SLC2A10: variants seen among roughly 807,000 people sequenced by gnomAD.
SLC2A10 encodes solute carrier family 2 member 10.
SLC2A10 carries 25 observed loss-of-function variants against 32.1 expected under a neutral mutation model. That is an observed-to-expected ratio of 0.78 (90% confidence interval 0.57 to 1.09). The LOEUF (loss-of-function observed/expected upper bound fraction) is 1.09, where lower values mean the gene tolerates loss of function less well. SLC2A10 is among the 50% of genes least tolerant of loss of function. The probability of loss-of-function intolerance (pLI) is 0.00; values close to 1 mark genes in which losing one functional copy is unlikely to be tolerated. For missense variants in SLC2A10, 673 were observed against 686.5 expected, an observed-to-expected ratio of 0.98 and a Z score of 0.22; for synonymous variants, 332 against 309.6, an observed-to-expected ratio of 1.07 and a Z score of -0.76.
chr20:46,733,935 G>T lies in SLC2A10; in HGVS notation c.*101G>T. The T allele has an allele frequency of 1.7e-6, 2 of 1,176,820 alleles. No homozygotes were observed. Among genetic ancestry groups the T allele is most frequent in the Non-Finnish European group, 2.5e-6 (2 of 804,146 alleles). 72.9% of individuals were successfully genotyped at this position (1,176,820 alleles called of 1,614,324 possible). ...GAGCACAAGTTCCAGCTGGTCTTTT[G>T]GGAGTGGCCCCTGCCCCCAAAGGTG... On this transcript the variant is annotated 3_prime_UTR_variant, in exon 5 of 5. Transcript: ENST00000359271.
chr20:46,724,806 AGGATGGATGGATGGATGGAT>A (rs111504264), intron 1 of SLC2A10, among the ~76,000 whole-genome samples: 1 of 125,574 alleles, frequency 8.0e-6, no homozygotes, highest in Non-Finnish European at 1.7e-5. Context: ...GACAGATGGA[AGGATGGATGGATGGATGGAT>A]GGATGGATGG....
chr20:46,732,346 A>T (rs1980344589), intron 4 of SLC2A10, among the ~76,000 whole-genome samples: 2 of 152,232 alleles, frequency 1.3e-5, no homozygotes. Context: ...GAATCGATTC[A>T]TTCAACTTTC....
chr20:46,715,233 C>CGTTTGTTTGTTT (rs11472342), intron 1 of SLC2A10, among the ~76,000 whole-genome samples: 4,571 of 151,248 alleles, frequency 0.03, 94 homozygotes, highest in East Asian at 0.084. Flanking sequence ...TTTTATTTCA[C>CGTTTGTTTGTTT]GTTTGTTTGT....
At chr20:46,709,618 G>A (rs1978781427), upstream of SLC2A10, 2 of 1,321,430 alleles carry the variant, frequency 1.5e-6, no homozygotes, top group Non-Finnish European at 2.0e-6. Context: ...CAGGGCAGGA[G>A]GGACAGAGGC....
At chr20:46,730,300 T>G (rs1169177239) in intron 4 of SLC2A10, among the ~76,000 whole-genome samples, 1 of 152,080 alleles carries the variant, frequency 6.6e-6, no homozygotes, top group Non-Finnish European at 1.5e-5. Flanking sequence ...GAGCTTCCAT[T>G]TGATGGGGGA....
At chr20:46,721,452 AAG>A (rs1323748180) in intron 1 of SLC2A10, among the ~76,000 whole-genome samples, 2 of 150,032 alleles carry the variant, frequency 1.3e-5, no homozygotes, top group African/African-American at 5.0e-5. Context: ...AAAAAAAAAA[AAG>A]AGAGAGAGAG....
intron 1 of SLC2A10, among the ~76,000 whole-genome samples, chr20:46,716,355 G>A (rs1979239438): frequency 6.6e-6 from 1 of 151,976 alleles, no homozygotes; most frequent in South Asian, 2.1e-4. Context: ...TTCTCATCAT[G>A]TTGGCCAGGC....
chr20:46,727,868 T>C (rs148316509), intron 3 of SLC2A10, among the ~76,000 whole-genome samples: 1 of 152,220 alleles, frequency 6.6e-6, no homozygotes, highest in East Asian at 1.9e-4. Flanking sequence ...TATTTTCCTA[T>C]TCCCTATGGC....
chr20:46,720,349 C>T (rs901690353), intron 1 of SLC2A10, among the ~76,000 whole-genome samples: 1 of 152,180 alleles, frequency 6.6e-6, no homozygotes, highest in Non-Finnish European at 1.5e-5. Flanking sequence ...GACAAAAAGC[C>T]TCTCACATTC....
chr20:46,728,599 G>GGT, intron 3 of SLC2A10, among the ~76,000 whole-genome samples: 3 of 145,524 alleles, frequency 2.1e-5, no homozygotes, highest in Admixed American at 6.8e-5. Flanking sequence ...GGAATTTCTG[G>GGT]GTGTGTTTTT....
chr20:46,712,916 A>C (rs950322769), intron 1 of SLC2A10, among the ~76,000 whole-genome samples: 1 of 151,138 alleles, frequency 6.6e-6, no homozygotes, highest in African/African-American at 2.4e-5. Flanking sequence ...TAGCCTCCCA[A>C]AGTATTGGGA....
intron 1 of SLC2A10, among the ~76,000 whole-genome samples, chr20:46,716,970 C>A (rs918108971): frequency 6.6e-6 from 1 of 152,072 alleles, no homozygotes; most frequent in Non-Finnish European, 1.5e-5. Context: ...TTGCAGTGAG[C>A]CGGAATTACG....
Position 46,726,127 on chromosome 20 carries a change from G to A in SLC2A10, c.1091G>A (p.Arg364Lys), listed in dbSNP as rs1979929624. 6.2e-7 allele frequency: 1 copy of A among 1,614,256 alleles called. No homozygotes were observed. The highest frequency in any genetic ancestry group is 1.1e-5 in the South Asian group (1 of 91,088). Residue 364 changes from arginine (R) to lysine (K), a missense_variant, in exon 2 of 5, where the codon AGG becomes AAG. Coordinates refer to ENST00000359271, the MANE Select transcript of SLC2A10 (RefSeq NM_030777.4). ...ATTCCAAGGACCAATGAGGACCAAA[G>A]GGAGCCAATCTTGTCCACTGCTAAG... Reference protein sequence around the residue: ...PPIPRTNEDQREPILSTAKKT... With the variant: ...PPIPRTNEDQKEPILSTAKKT...
intron 1 of SLC2A10, chr20:46,714,449 G>A (rs949331796): frequency 1.3e-5 from 2 of 152,346 alleles, no homozygotes; most frequent in Non-Finnish European, 2.9e-5. Context: ...GGAAGATGAG[G>A]AGCGGATGCC....
chr20:46,726,167 T>C lies in SLC2A10; in HGVS notation c.1131T>C (p.His377=), dbSNP rs1479932778. ...ILSTAKKTKP[H]PRSGDPSAPP... Reference sequence around the variant, plus strand: ...CCACTGCTAAGAAAACCAAGCCCCATCCCAGATCTGGAGACCCCTCAGCCC... The same window carrying C: ...CCACTGCTAAGAAAACCAAGCCCCACCCCAGATCTGGAGACCCCTCAGCCC... Residue 377 remains histidine, a synonymous_variant, in exon 2 of 5, where the codon CAT becomes CAC. Coordinates refer to ENST00000359271, the MANE Select transcript of SLC2A10 (RefSeq NM_030777.4). 5.0e-6 allele frequency: 8 copies of C among 1,614,156 alleles called. No homozygotes were observed. The highest frequency in any genetic ancestry group is 6.8e-6 in the Non-Finnish European group (8 of 1,180,000).
chr20:46,728,825 A>G (rs1014032053), intron 3 of SLC2A10, among the ~76,000 whole-genome samples: 1 of 151,822 alleles, frequency 6.6e-6, no homozygotes, highest in African/African-American at 2.4e-5. Flanking sequence ...GGGTTTCACC[A>G]TGTTGCCCAG....
rs147684335 is a variant in SLC2A10, at chr20:46,734,223, C to G, written c.*389C>G. On this transcript the variant is annotated 3_prime_UTR_variant, in exon 5 of 5. Coordinates refer to ENST00000359271, the MANE Select transcript of SLC2A10 (RefSeq NM_030777.4). ...CCCTAAATCCAAATGAGGATATCAT[C>G]TTTTCTAATCTCTTTTTTCAACTGG... is the stretch of plus-strand genomic sequence containing the variant. The G allele has an allele frequency of 1.8e-3, 462 of 251,064 alleles. No homozygotes were observed. Among genetic ancestry groups the G allele is most frequent in the Middle Eastern group, 9.2e-3 (6 of 652 alleles). The allele number at this position is 251,064 out of a possible 1,614,324, so 15.6% of individuals were successfully genotyped here.
At chr20:46,711,068 TC>T (rs1978881853) in intron 1 of SLC2A10, among the ~76,000 whole-genome samples, 1 of 146,768 alleles carries the variant, frequency 6.8e-6, no homozygotes, top group African/African-American at 2.7e-5. Flanking sequence ...AGAGTGGGTT[TC>T]ACCATGTTGG....
At position 46,725,469 on chromosome 20, in the gene SLC2A10, G is replaced by A. The variant is rs772308135; in HGVS notation, c.433G>A (p.Val145Met). Reference protein sequence around the residue: ...LVSLYEAGITVGILLSYALNY... With the variant: ...LVSLYEAGITMGILLSYALNY... ...GTCCCTCTATGAGGCAGGCATCACC[G>A]TGGGCATCCTGCTCTCCTATGCCCT... Residue 145 changes from valine to methionine, a missense_variant, in exon 2 of 5, where the codon GTG (valine) becomes ATG (methionine). Coordinates refer to ENST00000359271, the MANE Select transcript of SLC2A10 (RefSeq NM_030777.4). 9.3e-6 allele frequency: 15 copies of A among 1,614,038 alleles called. No individual in the cohort carries two copies. The highest frequency in any genetic ancestry group is 8.8e-5 in the South Asian group (8 of 91,094).
Sources: gnomAD v4.1 joint callset for allele counts (sites outside exome capture counted in the v4.1 genomes callset) on GRCh38, gnomAD v4.1.1 for gene constraint, MANE v1.5 for transcripts, NCBI Gene and HGNC (gene_info 2026-07-23, HGNC 2026-07-21) for gene names.